SOS1: variants seen among roughly 807,000 people sequenced by gnomAD.
The protein encoded by SOS1 is son of sevenless homolog 1.
SOS1 carries 25 observed loss-of-function variants against 157.6 expected under a neutral mutation model. The ratio of observed to expected loss-of-function variants is 0.16; its 90% CI spans 0.12 to 0.22. The LOEUF (loss-of-function observed/expected upper bound fraction) is 0.22. Ranked by LOEUF, SOS1 falls within the 10% of genes least tolerant of loss-of-function variation. The probability of loss-of-function intolerance (pLI) is 1.00; values close to 1 mark genes in which losing one functional copy is unlikely to be tolerated. For missense variants in SOS1, 1,237 were observed against 1,599.1 expected (o/e 0.77, Z 3.86); for synonymous variants, 528 against 534.0 (o/e 0.99, Z 0.16).
chr2:39,082,101 T>C (rs1196811131), intron 1 of SOS1, among the ~76,000 whole-genome samples: 1 of 152,336 alleles, frequency 6.6e-6, no homozygotes, highest in Admixed American at 6.5e-5. Flanking sequence ...AATTAAATTA[T>C]TACTGACTAG....
At chr2:38,989,503 A>G (rs181881375) in intron 20 of SOS1, among the ~76,000 whole-genome samples, 189 bp from the exon 21 acceptor site, 190 of 152,248 alleles carry the variant, frequency 1.2e-3, no homozygotes, top group African/African-American at 4.1e-3. Flanking sequence ...TTGGGAATTT[A>G]AGATTCCTTT....
Position 38,985,033 on chromosome 2 carries a change from A to C in SOS1, c.*791T>G, listed in dbSNP as rs1023984221. 1 of 152,186 alleles carries C rather than the reference A, an allele frequency of 6.6e-6. No individual in the cohort carries two copies. The highest frequency in any genetic ancestry group is 2.4e-5 in the African/African-American group (1 of 41,456). The allele number at this position is 152,186 out of a possible 1,614,324, so 9.4% of individuals were successfully genotyped here. On this transcript the variant is annotated 3_prime_UTR_variant, in exon 23 of 23. Coordinates refer to ENST00000402219, the MANE Select transcript of SOS1 (RefSeq NM_005633.4). ...CTAGCATAGATGAACAGTCTCCTAAATGCAAATAGAATAGTTGACAGTTAT... is the reference window on the plus strand; with the variant it reads ...CTAGCATAGATGAACAGTCTCCTAACTGCAAATAGAATAGTTGACAGTTAT...
intron 1 of SOS1, among the ~76,000 whole-genome samples, chr2:39,075,605 A>AAGTCTAGGAGT: frequency 6.6e-6 from 1 of 151,914 alleles, no homozygotes; most frequent in Admixed American, 6.6e-5. Flanking sequence ...GGAGTCCGAG[A>AAGTCTAGGAGT]CCAGCCTGGA....
intron 8 of SOS1, among the ~76,000 whole-genome samples, chr2:39,031,860 A>C (rs552472698): frequency 4.6e-5 from 7 of 152,240 alleles, no homozygotes; most frequent in African/African-American, 9.6e-5. Context: ...GGTTTTCAAA[A>C]GGGCACAAAG....
intron 20 of SOS1, chr2:38,993,096 A>G (rs1011123871): frequency 6.6e-6 from 1 of 151,906 alleles, no homozygotes; most frequent in Non-Finnish European, 1.5e-5. Flanking sequence ...AAATTAAAAA[A>G]AAAAAAAAGA....
chr2:39,054,702 T>C lies in SOS1; in HGVS notation c.632A>G (p.Glu211Gly). 1 of 1,600,956 alleles carries C rather than the reference T, an allele frequency of 6.2e-7. No individual in the cohort carries two copies. The highest frequency in any genetic ancestry group is 1.1e-5 in the South Asian group (1 of 90,768). ...TAGTTCCCTTATATATTGTCGAATT[T>C]CTGCCATAAATGCTTTTACCAAATC... ...YYDLVKAFMAEIRQYIRELNL... is the reference protein window; with the variant it reads ...YYDLVKAFMAGIRQYIRELNL... The change falls in exon 5 of 23, where the codon GAA (glutamate) becomes GGA (glycine). Residue 211 changes from glutamate to glycine, a missense_variant. Physicochemically the swap from Glu to Gly is moderately conservative, Grantham distance 98. This residue lies in a region of SOS1 where 108 missense variants were observed against 115.3 expected (regional missense o/e 0.94). Transcript: ENST00000402219.
intron 1 of SOS1, among the ~76,000 whole-genome samples, chr2:39,112,875 C>A (rs574281169): frequency 7.9e-5 from 12 of 152,106 alleles, no homozygotes; most frequent in African/African-American, 2.4e-4. Context: ...CCTGTCTCTA[C>A]TAAAACACAA....
At chr2:38,998,284 CTG>C (rs1328763488) in intron 17 of SOS1, among the ~76,000 whole-genome samples, 2 of 151,892 alleles carry the variant, frequency 1.3e-5, no homozygotes, top group Non-Finnish European at 2.9e-5. Flanking sequence ...GAGTCTCACT[CTG>C]TCTCCCAGGC....
At chr2:39,095,564 A>G (rs1013319482) in intron 1 of SOS1, among the ~76,000 whole-genome samples, 1 of 152,224 alleles carries the variant, frequency 6.6e-6, no homozygotes, top group Non-Finnish European at 1.5e-5. Flanking sequence ...ACACTGAAAT[A>G]AGTCCTCATT....
intron 2 of SOS1, among the ~76,000 whole-genome samples, chr2:39,062,276 A>C (rs1671431097): frequency 1.3e-5 from 2 of 151,592 alleles, no homozygotes; most frequent in South Asian, 4.2e-4. Flanking sequence ...AAATTAGCCA[A>C]GCATGGTGGT....
intron 10 of SOS1, among the ~76,000 whole-genome samples, chr2:39,018,421 A>T (rs1669697950): frequency 6.6e-6 from 1 of 151,904 alleles, no homozygotes; most frequent in East Asian, 1.9e-4. Context: ...TCCCCCAATC[A>T]AAACAGCTAG....
At chr2:39,098,706 G>A (rs553477535) in intron 1 of SOS1, among the ~76,000 whole-genome samples, 34 of 152,214 alleles carry the variant, frequency 2.2e-4, no homozygotes, top group South Asian at 1.0e-3. Flanking sequence ...TGTCTAATAC[G>A]GTGAAACCCC....
At chr2:39,113,922 C>A (rs1361902110) in intron 1 of SOS1, among the ~76,000 whole-genome samples, 1 of 152,302 alleles carries the variant, frequency 6.6e-6, no homozygotes, top group African/African-American at 2.4e-5. Context: ...GCAAAAAGGT[C>A]AGCAGCCCTT....
intron 10 of SOS1, among the ~76,000 whole-genome samples, chr2:39,017,783 T>G (rs1410376123): frequency 6.6e-6 from 1 of 152,028 alleles, no homozygotes; most frequent in African/African-American, 2.4e-5. Context: ...GTACTTATAT[T>G]TGAAATTTTA....
chr2:39,109,454 T>G (rs1377769753), intron 1 of SOS1, among the ~76,000 whole-genome samples: 1 of 152,150 alleles, frequency 6.6e-6, no homozygotes, highest in African/African-American at 2.4e-5. Flanking sequence ...AGGGCTGAGC[T>G]CCTCAGCTTA....
intron 6 of SOS1, among the ~76,000 whole-genome samples, chr2:39,038,060 T>C (rs535336890): frequency 1.3e-5 from 2 of 152,346 alleles, no homozygotes; most frequent in Admixed American, 6.5e-5. Flanking sequence ...AGGAATAATT[T>C]TGACCTTCAA....
At chr2:39,104,022 G>A (rs1673071975) in intron 1 of SOS1, among the ~76,000 whole-genome samples, 1 of 152,192 alleles carries the variant, frequency 6.6e-6, no homozygotes, top group Non-Finnish European at 1.5e-5. Context: ...GCTCACGCCT[G>A]TAATCCCAGC....
intron 1 of SOS1, among the ~76,000 whole-genome samples, chr2:39,091,476 T>C (rs1182451244): frequency 6.6e-6 from 1 of 152,162 alleles, no homozygotes; most frequent in Non-Finnish European, 1.5e-5. Flanking sequence ...CCCTTAACTC[T>C]TTTCCAACTC....
chr2:39,032,636 C>T (rs1670201316), intron 8 of SOS1, among the ~76,000 whole-genome samples: 1 of 152,080 alleles, frequency 6.6e-6, no homozygotes, highest in Non-Finnish European at 1.5e-5. Context: ...AAAAATGGAA[C>T]AAGTTCTCTA....
Sources: gnomAD v4.1 joint callset for allele counts (sites outside exome capture counted in the v4.1 genomes callset) on GRCh38, gnomAD v4.1.1 for gene constraint, gnomAD v4.1.1 regional missense constraint, MANE v1.5 for transcripts, NCBI Gene and HGNC (gene_info 2026-07-23, HGNC 2026-07-21) for gene names.